The following DLGAP2 variants were observed in gnomAD, a reference collection of about 807,000 sequenced individuals.
DLGAP2 encodes DLG associated protein 2, also known as disks large-associated protein 2.
In DLGAP2, 26 loss-of-function variants were observed where a neutral mutation model predicts 100.3. The ratio of observed to expected loss-of-function variants is 0.26; its 90% CI spans 0.19 to 0.36. The LOEUF (loss-of-function observed/expected upper bound fraction) is 0.36. Among genes scored for constraint, DLGAP2 ranks in the 10% least tolerant of loss-of-function variants. The probability of loss-of-function intolerance (pLI) is 1.00; values close to 1 mark genes in which losing one functional copy is unlikely to be tolerated. For missense variants in DLGAP2, 1,858 were observed against 1,453.2 expected, an observed-to-expected ratio of 1.28 and a Z score of -4.53; for synonymous variants, 886 against 630.1, an observed-to-expected ratio of 1.41 and a Z score of -6.08.
chr8:1,143,507 A>T (rs1308393107), intron 2 of DLGAP2, among the ~76,000 whole-genome samples: 1 of 152,222 alleles, frequency 6.6e-6, no homozygotes, highest in African/African-American at 2.4e-5. Context: ...CTGGAACAGG[A>T]ACCCACGGGT....
At chr8:1,366,511 G>C (rs901994134) in intron 3 of DLGAP2, among the ~76,000 whole-genome samples, 1 of 152,228 alleles carries the variant, frequency 6.6e-6, no homozygotes, top group Non-Finnish European at 1.5e-5. Context: ...TTCCTGAGCT[G>C]AGGCTTTGGG....
chr8:846,219 A>C (rs962285056), intron 1 of DLGAP2, among the ~76,000 whole-genome samples: 1 of 152,220 alleles, frequency 6.6e-6, no homozygotes, highest in Non-Finnish European at 1.5e-5. Context: ...ACTGTGCAAC[A>C]GACCACCAGA....
chr8:1,525,773 G>T (rs1800773393), intron 4 of DLGAP2, among the ~76,000 whole-genome samples: 1 of 152,240 alleles, frequency 6.6e-6, no homozygotes, highest in Non-Finnish European at 1.5e-5. Context: ...GAGCCTAGGT[G>T]TATCTTGGCC....
chr8:962,049 A>C (rs568681416), intron 2 of DLGAP2, among the ~76,000 whole-genome samples: 3 of 152,360 alleles, frequency 2.0e-5, no homozygotes, highest in Admixed American at 1.3e-4. Flanking sequence ...ATTTAAGTGT[A>C]ATCATTAATG....
chr8:897,653 G>A (rs953064720), intron 1 of DLGAP2, among the ~76,000 whole-genome samples: 2 of 152,052 alleles, frequency 1.3e-5, no homozygotes, highest in Admixed American at 6.6e-5. Context: ...TCCCTCTGCC[G>A]CCCCTTCCCT....
chr8:1,290,303 C>G (rs185166094), intron 3 of DLGAP2, among the ~76,000 whole-genome samples: 1 of 152,206 alleles, frequency 6.6e-6, no homozygotes, highest in African/African-American at 2.4e-5. Flanking sequence ...CCAATTCCAT[C>G]GAGTTGTCAT....
intron 2 of DLGAP2, among the ~76,000 whole-genome samples, chr8:1,090,861 A>G (rs1804157603): frequency 6.6e-6 from 1 of 152,240 alleles, no homozygotes; most frequent in South Asian, 2.1e-4. Context: ...AAGTCTGTTT[A>G]GACTCACATG....
chr8:1,357,191 C>T (rs767445937), intron 3 of DLGAP2, among the ~76,000 whole-genome samples: 4 of 152,218 alleles, frequency 2.6e-5, no homozygotes, highest in Non-Finnish European at 5.9e-5. Context: ...GGATCTCAGT[C>T]GCAAGGGTGC....
intron 1 of DLGAP2, among the ~76,000 whole-genome samples, chr8:818,593 C>G (rs1027800861): frequency 7.2e-5 from 11 of 152,184 alleles, no homozygotes; most frequent in African/African-American, 2.7e-4. Flanking sequence ...ACGTGAGTCT[C>G]TACATGCTGC....
intron 2 of DLGAP2, among the ~76,000 whole-genome samples, chr8:1,193,854 C>T (rs11784898): frequency 0.52 from 78,261 of 151,744 alleles, 21,341 homozygotes; most frequent in Non-Finnish European, 0.6. Flanking sequence ...ATCCCAGCGT[C>T]GGCCTCTAGA....
chr8:1,049,023 G>T (rs909517275), intron 2 of DLGAP2, among the ~76,000 whole-genome samples: 4 of 152,208 alleles, frequency 2.6e-5, no homozygotes, highest in African/African-American at 4.8e-5. Flanking sequence ...GAATGACATT[G>T]ATAAGAGATT....
chr8:778,134 G>T lies in DLGAP2; in HGVS notation c.18+40309G>T, dbSNP rs557964961. 1.4e-4 allele frequency among the ~76,000 whole-genome samples: 21 copies of T among 151,952 alleles called. 1 individual carries two copies. Among genetic ancestry groups the T allele is most frequent in the African/African-American group, 5.1e-4 (21 of 41,400 alleles). The stretch of plus-strand genomic sequence containing the variant: ...CTGATACCCTTTCTTCCAGTTGATC[G>T]CATCGGCTCCTGAGGCTTCTGCATT... On this transcript the variant is annotated intron_variant, in intron 1 of 14. Transcript: ENST00000637795.
intron 2 of DLGAP2, among the ~76,000 whole-genome samples, chr8:1,005,426 T>G (rs1437905788): frequency 1.4e-5 from 2 of 141,102 alleles, no homozygotes; most frequent in East Asian, 3.9e-4. Flanking sequence ...TTTTTTTTTT[T>G]GAGATGGGGT....
chr8:1,529,926 T>G (rs1800933447), intron 4 of DLGAP2, among the ~76,000 whole-genome samples: 1 of 150,978 alleles, frequency 6.6e-6, no homozygotes, highest in Admixed American at 6.6e-5. Flanking sequence ...GGGGAGGGAG[T>G]GTGCGAATAG....
chr8:958,849 A>G (rs1319474796), intron 2 of DLGAP2, among the ~76,000 whole-genome samples: 1 of 152,236 alleles, frequency 6.6e-6, no homozygotes, highest in Non-Finnish European at 1.5e-5. Context: ...TGATGATGGG[A>G]CAGGAGACAG....
intron 2 of DLGAP2, among the ~76,000 whole-genome samples, chr8:1,126,607 G>C (rs1274014645): frequency 2.0e-5 from 3 of 152,078 alleles, no homozygotes. Flanking sequence ...GTGCTGCTGA[G>C]GGCTTTCAGT....
chr8:1,373,499 C>G (rs528265656), intron 3 of DLGAP2, among the ~76,000 whole-genome samples: 1 of 152,204 alleles, frequency 6.6e-6, no homozygotes, highest in East Asian at 1.9e-4. Flanking sequence ...TCTGTGGACA[C>G]GTCTGCCCAC....
rs1442172865 is a variant in DLGAP2 at position 1,705,842 on chromosome 8, C to T, written c.*4436C>T. ...ATGTCTGTTTACACTTCTCTGTAGG[C>T]GTGGGTTGAATACAAGTTTCCAAAA... On this transcript the variant is annotated 3_prime_UTR_variant, in exon 15 of 15. Transcript: ENST00000637795. The T allele has an allele frequency of 6.6e-5, 10 of 152,122 alleles. No individual in the cohort carries two copies. The highest frequency in any genetic ancestry group is 1.5e-4 in the Non-Finnish European group (10 of 68,034). 9.4% of individuals were successfully genotyped at this position (152,122 alleles called of 1,614,324 possible).
chr8:1,090,465 C>T (rs60001173), intron 2 of DLGAP2, among the ~76,000 whole-genome samples: 24 of 152,234 alleles, frequency 1.6e-4, no homozygotes, highest in Non-Finnish European at 3.4e-4. Flanking sequence ...TTGACCACGA[C>T]AGGGTTCGCC....
Sources: gnomAD v4.1 joint callset for allele counts (sites outside exome capture counted in the v4.1 genomes callset) on GRCh38, gnomAD v4.1.1 for gene constraint, MANE v1.5 for transcripts, NCBI Gene and HGNC (gene_info 2026-07-23, HGNC 2026-07-21) for gene names.